TNNI3K: variants seen among roughly 807,000 people sequenced by gnomAD.
TNNI3K encodes the protein TNNI3 interacting kinase, also known as serine/threonine-protein kinase TNNI3K.
A neutral mutation model predicts 114.5 loss-of-function variants in TNNI3K; 140 were observed. The ratio of observed to expected loss-of-function variants is 1.22; its 90% CI spans 1.07 to 1.41. The LOEUF (loss-of-function observed/expected upper bound fraction) is 1.41, where lower values mean the gene tolerates loss of function less well. Among genes scored for constraint, TNNI3K ranks in the 40% most tolerant of loss-of-function variants. The pLI is 0.00. For synonymous variants in TNNI3K, 347 were observed against 347.5 expected (o/e 1.00, Z 0.02); for missense variants, 1,125 against 1,007.6 (o/e 1.12, Z -1.58).
chr1:74,377,735 A>G (rs1662980329), intron 17 of TNNI3K, among the ~76,000 whole-genome samples: 1 of 151,374 alleles, frequency 6.6e-6, no homozygotes, highest in South Asian at 2.1e-4. Flanking sequence ...TGTAGATTCT[A>G]CACTCCTGGG....
chr1:74,543,064 CTTTTTTTTTTTTTTT>C (rs60688934), intron 24 of TNNI3K, among the ~76,000 whole-genome samples: 1 of 6,750 alleles, frequency 1.5e-4, no homozygotes, highest in African/African-American at 4.2e-4. Flanking sequence ...TTCTTTTTCC[CTTTTTTTTTTTTTTT>C]TTTTTTTTTT....
At chr1:74,475,447 G>A (rs755244407) in intron 21 of TNNI3K, 12 of 716,926 alleles carry the variant, frequency 1.7e-5, no homozygotes, top group Middle Eastern at 2.3e-4. Flanking sequence ...TGAACATTCC[G>A]AATGCAGCAA....
At chr1:74,316,935 G>A (rs759051747) in intron 5 of TNNI3K, among the ~76,000 whole-genome samples, 38 of 151,464 alleles carry the variant, frequency 2.5e-4, no homozygotes, top group Non-Finnish European at 4.3e-4. Flanking sequence ...TCCTGACCTC[G>A]TGATCTGCCC....
At chr1:74,517,388 G>T (rs1646364749) in intron 23 of TNNI3K, among the ~76,000 whole-genome samples, 1 of 152,150 alleles carries the variant, frequency 6.6e-6, no homozygotes, top group African/African-American at 2.4e-5. Context: ...TCTGGCATTA[G>T]CTCCTCACTG....
chr1:74,287,460 A>G (rs1057363867), intron 5 of TNNI3K, among the ~76,000 whole-genome samples: 2 of 152,188 alleles, frequency 1.3e-5, no homozygotes, highest in African/African-American at 4.8e-5. Context: ...TGAAAGCACC[A>G]TGAGAAAAGT....
At chr1:74,511,756 G>C (rs570525785) in intron 23 of TNNI3K, among the ~76,000 whole-genome samples, 13 of 151,962 alleles carry the variant, frequency 8.6e-5, no homozygotes, top group African/African-American at 2.7e-4. Flanking sequence ...AGTCAAGGTA[G>C]GCTTCCCAAA....
At chr1:74,520,210 C>G (rs181536012) in intron 23 of TNNI3K, among the ~76,000 whole-genome samples, 1 of 152,086 alleles carries the variant, frequency 6.6e-6, no homozygotes, top group African/African-American at 2.4e-5. Flanking sequence ...GCATGTGCAT[C>G]CTCATATACC....
At chr1:74,320,247 G>T (rs970502154) in intron 5 of TNNI3K, among the ~76,000 whole-genome samples, 5 of 152,104 alleles carry the variant, frequency 3.3e-5, no homozygotes, top group Admixed American at 6.6e-5. Flanking sequence ...TTTCTGACTA[G>T]ATGATGTGTG....
Position 74,429,979 on chromosome 1 carries a change from G to A in TNNI3K, c.1773-6101G>A, listed in dbSNP as rs150401462. ...AAATAAGGACGCTGAGAGGTTGGCC[G>A]TGGTGCCCTTACACTAGTTTTTGTT... On this transcript the variant is annotated intron_variant, in intron 17 of 24. Transcript: ENST00000326637. Among the ~76,000 whole-genome samples the A allele has an allele frequency of 2.2e-3, 334 of 152,210 alleles. 1 individual carries two copies. The highest frequency in any genetic ancestry group is 6.4e-3 in the African/African-American group (264 of 41,542).
chr1:74,333,711 G>A (rs1223916647), intron 6 of TNNI3K, among the ~76,000 whole-genome samples: 4 of 152,150 alleles, frequency 2.6e-5, no homozygotes, highest in African/African-American at 9.7e-5. Context: ...TGTACCTAAT[G>A]TGCCATGTTC....
chr1:74,426,467 G>A (rs763497155), intron 17 of TNNI3K, among the ~76,000 whole-genome samples: 4 of 151,936 alleles, frequency 2.6e-5, no homozygotes, highest in Non-Finnish European at 5.9e-5. Flanking sequence ...TCTCCTCACA[G>A]CTGTTATTTT....
chr1:74,249,813 T>G (rs1472504803), intron 3 of TNNI3K, among the ~76,000 whole-genome samples: 1 of 152,122 alleles, frequency 6.6e-6, no homozygotes, highest in African/African-American at 2.4e-5. Context: ...TTTTCAATAT[T>G]GGGCATGCCA....
chr1:74,416,427 C>T (rs536749642), intron 17 of TNNI3K: 8 of 955,192 alleles, frequency 8.4e-6, no homozygotes, highest in Admixed American at 6.2e-5. Context: ...TGTTAGCATG[C>T]GTGACATAGT....
chr1:74,472,195 C>T (rs999704087), intron 21 of TNNI3K: 3 of 716,606 alleles, frequency 4.2e-6, no homozygotes, highest in Non-Finnish European at 7.8e-6. Context: ...TATGTCACTG[C>T]TGATATCTGT....
intron 21 of TNNI3K, among the ~76,000 whole-genome samples, chr1:74,485,152 A>G (rs985500941): frequency 1.3e-5 from 2 of 152,216 alleles, no homozygotes; most frequent in Non-Finnish European, 2.9e-5. Flanking sequence ...ACAAGGAGAA[A>G]CGAAGTAAAT....
At chr1:74,277,996 C>A (rs1656784418) in intron 5 of TNNI3K, among the ~76,000 whole-genome samples, 1 of 152,200 alleles carries the variant, frequency 6.6e-6, no homozygotes, top group African/African-American at 2.4e-5. Context: ...TTTACTAAAT[C>A]ATCCAAATGT....
chr1:74,377,519 T>C (rs1468302090), intron 17 of TNNI3K, among the ~76,000 whole-genome samples: 2 of 152,022 alleles, frequency 1.3e-5, no homozygotes. Flanking sequence ...GACAATTATA[T>C]TGCACATGGT....
intron 5 of TNNI3K, among the ~76,000 whole-genome samples, chr1:74,299,754 G>A (rs998727830): frequency 1.3e-5 from 2 of 152,114 alleles, no homozygotes; most frequent in East Asian, 1.9e-4. Flanking sequence ...GCAGTTTTAT[G>A]TGGCTGGACC....
At chr1:74,406,800 T>C (rs1209242449) in intron 17 of TNNI3K, among the ~76,000 whole-genome samples, 1 of 152,174 alleles carries the variant, frequency 6.6e-6, no homozygotes, top group Non-Finnish European at 1.5e-5. Flanking sequence ...GAAACCACAG[T>C]CAAGTGTGAA....
Sources: allele counts gnomAD v4.1 joint callset (sites outside exome capture counted in the v4.1 genomes callset), GRCh38; gene constraint gnomAD v4.1.1; transcripts MANE v1.5; gene names NCBI Gene and HGNC (gene_info 2026-07-23, HGNC 2026-07-21).